The following CLSTN2 variants were observed in gnomAD, a reference collection of about 807,000 sequenced individuals.
CLSTN2 encodes calsyntenin 2.
Under a neutral mutation model 101.2 loss-of-function variants are expected in CLSTN2, and 48 were observed. That is an observed-to-expected ratio of 0.47 (90% CI 0.38 to 0.60). The LOEUF (loss-of-function observed/expected upper bound fraction) is 0.60. CLSTN2 is among the 20% of genes least tolerant of loss of function. CLSTN2 has a pLI of 0.00. For synonymous variants in CLSTN2, 481 were observed against 463.6 expected, an observed-to-expected ratio of 1.04 and a Z score of -0.48; for missense variants, 1,160 against 1,238.2, an observed-to-expected ratio of 0.94 and a Z score of 0.95.
chr3:139,975,648 A>C (rs1935803889), intron 1 of CLSTN2, among the ~76,000 whole-genome samples: 1 of 152,282 alleles, frequency 6.6e-6, no homozygotes, highest in African/African-American at 2.4e-5. Flanking sequence ...TTCTTGAAAC[A>C]CAACTTCATG....
rs1576368902 is a variant in CLSTN2 at position 139,935,413 on chromosome 3, G to A, written c.39G>A (p.Leu13=). The A allele has an allele frequency of 1.6e-6, 2 of 1,231,204 alleles. No homozygotes were observed. The highest frequency in any genetic ancestry group is 2.0e-6 in the Non-Finnish European group (2 of 987,314). The allele number at this position is 1,231,204 out of a possible 1,614,324, so 76.3% of individuals were successfully genotyped here. ...PGRLCWVPLL[L]ALGVGSGSGG... is the part of the protein sequence containing the mutation. The stretch of plus-strand genomic sequence containing the variant: ...GGCTGTGCTGGGTGCCGCTCCTGCT[G>A]GCGCTGGGCGTGGGGAGCGGCAGCG... Residue 13 remains leucine (L), a synonymous_variant, in exon 1 of 17, where the codon CTG becomes CTA. Transcript: ENST00000458420. This position sits in a 1 kb window ranked among gnomAD's most constrained non-coding sequence, Gnocchi z 5.5.
intron 2 of CLSTN2, among the ~76,000 whole-genome samples, chr3:140,293,744 C>A (rs1165396333): frequency 2.0e-5 from 3 of 152,140 alleles, no homozygotes; most frequent in Non-Finnish European, 4.4e-5. Flanking sequence ...GGCACCCTGA[C>A]AATTTGATTC....
chr3:140,400,291 A>T (rs1434757291), intron 2 of CLSTN2, among the ~76,000 whole-genome samples: 11 of 152,176 alleles, frequency 7.2e-5, no homozygotes, highest in Admixed American at 6.5e-4. Context: ...GCTATATGCA[A>T]ATGGGGCAGC....
chr3:140,370,871 C>T (rs1466237555), intron 2 of CLSTN2, among the ~76,000 whole-genome samples: 2 of 152,088 alleles, frequency 1.3e-5, no homozygotes, highest in Admixed American at 6.6e-5. Flanking sequence ...CATGCCCCAC[C>T]CTAGCACCGG....
At position 140,221,417 on chromosome 3, in the gene CLSTN2, T is replaced by TA. The variant is rs901009794; in HGVS notation, c.232+45354dup. ...CACACCATATTACATTTTTAAATTC[T>TA]AAAAAAAAAAGTGACTTGTGGAACA... On this transcript the variant is annotated intron_variant, in intron 2 of 16. Transcript: ENST00000458420. Among the ~76,000 whole-genome samples, 411 of 149,130 alleles carry TA rather than the reference T, an allele frequency of 2.8e-3. 1 individual carries two copies. Among genetic ancestry groups the TA allele is most frequent in the African/African-American group, 9.4e-3 (382 of 40,672 alleles).
Position 140,546,429 on chromosome 3 carries a change from T to G in CLSTN2, c.1508-86T>G, listed in dbSNP as rs2107786658. The G allele has an allele frequency of 2.1e-6, 3 of 1,407,240 alleles. No individual in the cohort carries two copies. In the East Asian group the frequency reaches 6.9e-5, roughly 32 times the overall value. The allele number at this position is 1,407,240 out of a possible 1,614,324, so 87.2% of individuals were successfully genotyped here. A position where few individuals can be genotyped will look rare whatever the true frequency, so the allele number is the denominator to read the frequency against. On this transcript the variant is annotated intron_variant, in intron 9 of 16. Coordinates refer to ENST00000458420, the MANE Select transcript of CLSTN2 (RefSeq NM_022131.3). Reference sequence around the variant, plus strand: ...GTTCAGGGGACACACAATCAAGGCGTCTTTGGCTGCATGGCCAAGTGGTGC... The same window carrying G: ...GTTCAGGGGACACACAATCAAGGCGGCTTTGGCTGCATGGCCAAGTGGTGC...
intron 8 of CLSTN2, chr3:140,508,483 G>C (rs1198520801): frequency 6.6e-6 from 1 of 152,186 alleles, no homozygotes; most frequent in East Asian, 1.9e-4. Flanking sequence ...GAAGCTCAGA[G>C]GCTTTTGCAG....
intron 2 of CLSTN2, among the ~76,000 whole-genome samples, chr3:140,210,039 C>T (rs1339932296): frequency 6.6e-6 from 1 of 152,166 alleles, no homozygotes; most frequent in Non-Finnish European, 1.5e-5. Context: ...TTCCCTGTCT[C>T]CTCTGAGAAA....
chr3:139,993,743 A>G (rs758355853), intron 1 of CLSTN2, among the ~76,000 whole-genome samples: 2 of 152,214 alleles, frequency 1.3e-5, no homozygotes, highest in African/African-American at 2.4e-5. Context: ...TGACTTTGCC[A>G]TAAACCACTT....
intron 8 of CLSTN2, among the ~76,000 whole-genome samples, chr3:140,482,481 C>G (rs1934140608): frequency 6.6e-6 from 1 of 152,168 alleles, no homozygotes; most frequent in Admixed American, 6.6e-5. Flanking sequence ...GGAGGATTCC[C>G]TCTTTTTCTA....
intron 1 of CLSTN2, among the ~76,000 whole-genome samples, chr3:139,952,265 C>T (rs1442054712): frequency 6.6e-6 from 1 of 152,128 alleles, no homozygotes; most frequent in African/African-American, 2.4e-5. Context: ...CAACACCATT[C>T]CTTATGCGTC....
At chr3:140,444,490 T>A (rs1691) in intron 5 of CLSTN2, among the ~76,000 whole-genome samples, 6,693 of 152,188 alleles carry the variant, frequency 0.044, 503 homozygotes, top group African/African-American at 0.15. Context: ...GGCATGGTTT[T>A]ATCATTTGTG....
intron 2 of CLSTN2, among the ~76,000 whole-genome samples, chr3:140,200,715 T>A (rs1018817469): frequency 6.6e-6 from 1 of 152,222 alleles, no homozygotes; most frequent in African/African-American, 2.4e-5. Flanking sequence ...TGAAAGAGCA[T>A]GAAAGACAGA....
At chr3:140,186,164 A>G (rs901168681) in intron 2 of CLSTN2, among the ~76,000 whole-genome samples, 17 of 152,220 alleles carry the variant, frequency 1.1e-4, no homozygotes, top group Non-Finnish European at 1.6e-4. Context: ...TTAAAAAGAC[A>G]TAACTGGCAA....
intron 1 of CLSTN2, among the ~76,000 whole-genome samples, chr3:140,021,614 C>T (rs1055563649): frequency 2.0e-5 from 3 of 151,996 alleles, no homozygotes; most frequent in Non-Finnish European, 4.4e-5. Flanking sequence ...AATTTATGCT[C>T]CAGGAGCACC....
At chr3:140,333,612 G>A (rs890792921) in intron 2 of CLSTN2, among the ~76,000 whole-genome samples, 5 of 151,696 alleles carry the variant, frequency 3.3e-5, no homozygotes, top group Admixed American at 1.3e-4. Context: ...TTGGTTTCCC[G>A]CCACATTAGG....
chr3:140,067,116 G>A (rs1489665822), intron 1 of CLSTN2, among the ~76,000 whole-genome samples: 1 of 152,132 alleles, frequency 6.6e-6, no homozygotes, highest in African/African-American at 2.4e-5. Flanking sequence ...GGGGAATGTG[G>A]TGATAGTATA....
chr3:140,323,227 T>A (rs1263277934), intron 2 of CLSTN2, among the ~76,000 whole-genome samples: 2 of 151,982 alleles, frequency 1.3e-5, no homozygotes, highest in African/African-American at 4.8e-5. Flanking sequence ...AGCACTGGAG[T>A]AGGGGGCTTT....
At chr3:140,208,119 C>A (rs115566298) in intron 2 of CLSTN2, among the ~76,000 whole-genome samples, 3 of 151,804 alleles carry the variant, frequency 2.0e-5, no homozygotes, top group African/African-American at 7.3e-5. Flanking sequence ...TTGTCTAATC[C>A]ATTCATGTTT....
Sources: allele counts gnomAD v4.1 joint callset (sites outside exome capture counted in the v4.1 genomes callset), GRCh38; gene constraint gnomAD v4.1.1; non-coding constraint Gnocchi (gnomAD v3.1); transcripts MANE v1.5; gene names NCBI Gene and HGNC (gene_info 2026-07-23, HGNC 2026-07-21).